MMP16: variants seen among roughly 807,000 people sequenced by gnomAD.
MMP16 encodes the protein matrix metallopeptidase 16.
In MMP16, 12 loss-of-function variants were observed where a neutral mutation model predicts 67.8. That is an observed-to-expected ratio of 0.18 (90% CI 0.11 to 0.29). The LOEUF (loss-of-function observed/expected upper bound fraction) is 0.29, where lower values mean the gene tolerates loss of function less well. Ranked by LOEUF, MMP16 falls within the 10% of genes least tolerant of loss-of-function variation. The pLI is 1.00. For missense variants in MMP16, 475 were observed against 765.7 expected (o/e 0.62, Z 4.48); for synonymous variants, 249 against 255.9 (o/e 0.97, Z 0.26).
At chr8:88,220,854 T>C (rs981834953) in intron 1 of MMP16, among the ~76,000 whole-genome samples, 18 of 152,098 alleles carry the variant, frequency 1.2e-4, no homozygotes, top group Non-Finnish European at 2.1e-4. Flanking sequence ...GATTTCTGGA[T>C]AAACTTAGAA....
chr8:88,082,408 T>A (rs781306367), intron 6 of MMP16, among the ~76,000 whole-genome samples: 12 of 152,078 alleles, frequency 7.9e-5, no homozygotes, highest in Non-Finnish European at 1.6e-4. Context: ...CCCAGTAATC[T>A]CTTCTCTGTC....
At position 88,287,395 on chromosome 8, in the gene MMP16, T is replaced by C. The variant is rs575963433; in HGVS notation, c.132+39680A>G. 5.9e-5 allele frequency among the ~76,000 whole-genome samples: 9 copies of C among 152,332 alleles called. No individual in the cohort carries two copies. In the East Asian group the frequency reaches 1.7e-3, roughly 29 times the overall value. ...TTTGGAAGGCAAATCAAATGTCACT[T>C]GTTAGGAGAAACTTGCCACTGCTAG... On this transcript the variant is annotated intron_variant, in intron 1 of 9. Coordinates refer to ENST00000286614, the MANE Select transcript of MMP16 (RefSeq NM_005941.5).
intron 3 of MMP16, among the ~76,000 whole-genome samples, chr8:88,171,614 A>C (rs1808804845): frequency 6.6e-6 from 1 of 152,168 alleles, no homozygotes; most frequent in South Asian, 2.1e-4. Context: ...TAAAATTCTA[A>C]ATTAAAAAAT....
At chr8:88,305,448 A>G (rs1811198146) in intron 1 of MMP16, among the ~76,000 whole-genome samples, 1 of 152,318 alleles carries the variant, frequency 6.6e-6, no homozygotes, top group Middle Eastern at 3.4e-3. Context: ...GACCTCATAG[A>G]TATCTACAGA....
At chr8:88,142,464 T>C in intron 4 of MMP16, among the ~76,000 whole-genome samples, 1 of 152,226 alleles carries the variant, frequency 6.6e-6, no homozygotes, top group East Asian at 1.9e-4. Context: ...ATATATCTAC[T>C]GAGGAAAGTG....
chr8:88,220,525 T>C (rs1411460187), intron 1 of MMP16, among the ~76,000 whole-genome samples: 1 of 149,636 alleles, frequency 6.7e-6, no homozygotes, highest in Non-Finnish European at 1.5e-5. Flanking sequence ...AGATTGTATG[T>C]GTGCATGACT....
intron 1 of MMP16, among the ~76,000 whole-genome samples, chr8:88,304,603 T>G (rs1232365369): frequency 6.6e-6 from 1 of 152,194 alleles, no homozygotes; most frequent in Non-Finnish European, 1.5e-5. Flanking sequence ...GGCCTCTTAG[T>G]GGAAACCCTA....
At chr8:88,160,422 C>G (rs1160955168) in intron 4 of MMP16, among the ~76,000 whole-genome samples, 1 of 151,400 alleles carries the variant, frequency 6.6e-6, no homozygotes, top group Non-Finnish European at 1.5e-5. Context: ...AATAGTGACG[C>G]AATAAATTTA....
intron 6 of MMP16, among the ~76,000 whole-genome samples, chr8:88,113,292 A>G (rs905181162): frequency 6.6e-6 from 1 of 151,850 alleles, no homozygotes; most frequent in Non-Finnish European, 1.5e-5. Flanking sequence ...GACATCAGGA[A>G]GATGCTAAGG....
chr8:88,186,615 A>C lies in MMP16; in HGVS notation c.282-17T>G. On this transcript the variant is annotated splice_polypyrimidine_tract_variant and intron_variant, in intron 2 of 9. Transcript: ENST00000286614. ...TTCATCCAGCTGCAAAAAAAAAAAA[A>C]AAAAAAAAAAAGCAGTATTTTCCAG... The C allele has an allele frequency of 6.3e-7, 1 of 1,578,010 alleles. No individual in the cohort carries two copies. The highest frequency in any genetic ancestry group is 1.2e-5 in the South Asian group (1 of 84,106).
chr8:88,128,121 CCT>C (rs763780797), intron 4 of MMP16, among the ~76,000 whole-genome samples: 1 of 151,786 alleles, frequency 6.6e-6, no homozygotes, highest in East Asian at 1.9e-4. Flanking sequence ...CGGAGAACGG[CCT>C]CTGTTTCCTA....
At chr8:88,159,098 A>G (rs1037685160) in intron 4 of MMP16, among the ~76,000 whole-genome samples, 134 of 152,100 alleles carry the variant, frequency 8.8e-4, no homozygotes, top group Admixed American at 1.7e-3. Context: ...GTCAGGCAGC[A>G]TGATGCCTCC....
chr8:88,223,520 G>C (rs1341960136), intron 1 of MMP16, among the ~76,000 whole-genome samples: 2 of 151,758 alleles, frequency 1.3e-5, no homozygotes, highest in East Asian at 3.9e-4. Context: ...GCCGTAAAAA[G>C]GATGAGTTCA....
chr8:88,100,811 G>A (rs1318028292), intron 6 of MMP16, among the ~76,000 whole-genome samples: 2 of 152,038 alleles, frequency 1.3e-5, no homozygotes, highest in Non-Finnish European at 2.9e-5. Context: ...AGAAGGATGA[G>A]TTCATGTCCT....
At chr8:88,059,883 G>C (rs1011789994) in intron 7 of MMP16, among the ~76,000 whole-genome samples, 1 of 151,238 alleles carries the variant, frequency 6.6e-6, no homozygotes, top group African/African-American at 2.4e-5. Flanking sequence ...TATATAATAC[G>C]AAGCCTGAGA....
rs563446509 is a variant in MMP16, at chr8:88,096,559, C to A, written c.1083+19948G>T. Among the ~76,000 whole-genome samples the A allele has an allele frequency of 4.0e-4, 60 of 151,668 alleles. 1 individual carries two copies. In the South Asian group the frequency reaches 6.9e-3, roughly 17 times the overall value. On this transcript the variant is annotated intron_variant, in intron 6 of 9. Coordinates refer to ENST00000286614, the MANE Select transcript of MMP16 (RefSeq NM_005941.5). The stretch of plus-strand genomic sequence containing the variant: ...GTTTTAAAAATAAACAAGAGAAATA[C>A]AACTACTTTGAAAACAAGAAATTTA...
rs1435950122 is a variant in MMP16, at chr8:88,327,290, A to G, written c.-84T>C. 3 of 1,578,342 alleles carry G rather than the reference A, an allele frequency of 1.9e-6. No homozygotes were observed. Among genetic ancestry groups the G allele is most frequent in the African/African-American group, 2.7e-5 (2 of 73,868 alleles). ...TCCCTCCCTCCCTCGTTTCCTTTCA[A>G]AAAAAAGTCCTCCGGGTGGGTAAGG... On this transcript the variant is annotated 5_prime_UTR_variant, in exon 1 of 10. Coordinates refer to ENST00000286614, the MANE Select transcript of MMP16 (RefSeq NM_005941.5).
In MMP16 at chr8:88,151,766, G is replaced by C. The variant is rs529825480; in HGVS notation, c.709+15903C>G. On this transcript the variant is annotated intron_variant, in intron 4 of 9. Coordinates refer to ENST00000286614, the MANE Select transcript of MMP16 (RefSeq NM_005941.5). ...AATGCCCACGAGAGAAAGCAGGAAAGATCCAAAATTGACACCCTAACATCA... is the reference window on the plus strand; with the variant it reads ...AATGCCCACGAGAGAAAGCAGGAAACATCCAAAATTGACACCCTAACATCA... Among the ~76,000 whole-genome samples the C allele has an allele frequency of 5.5e-4, 84 of 151,506 alleles. No individual in the cohort carries two copies. The East Asian group carries it at 0.015, about 28-fold the overall frequency.
At chr8:88,246,465 G>A (rs777309092) in intron 1 of MMP16, among the ~76,000 whole-genome samples, 18 of 152,140 alleles carry the variant, frequency 1.2e-4, no homozygotes, top group Non-Finnish European at 2.1e-4. Context: ...ACTGTGTAGC[G>A]ATCTCATATC....
Sources: allele counts gnomAD v4.1 joint callset (sites outside exome capture counted in the v4.1 genomes callset), GRCh38; gene constraint gnomAD v4.1.1; transcripts MANE v1.5; gene names NCBI Gene and HGNC (gene_info 2026-07-23, HGNC 2026-07-21).